PRKG1: variants seen among roughly 807,000 people sequenced by gnomAD.
PRKG1 encodes the protein cGMP-dependent protein kinase 1.
PRKG1 carries 35 observed loss-of-function variants against 88.1 expected under a neutral mutation model. That is an observed-to-expected ratio of 0.40 (90% CI 0.30 to 0.53). The LOEUF is 0.53. Ranked by LOEUF, PRKG1 falls within the 20% of genes least tolerant of loss-of-function variation. The pLI is 0.59. For missense variants in PRKG1, 540 were observed against 839.8 expected (o/e 0.64, Z 4.41); for synonymous variants, 303 against 292.5 (o/e 1.04, Z -0.37).
intron 3 of PRKG1, among the ~76,000 whole-genome samples, chr10:51,609,021 AAAT>A (rs1300408147): frequency 1.3e-5 from 2 of 152,080 alleles, no homozygotes; most frequent in African/African-American, 4.8e-5. Context: ...AAGTTTTAAA[AAAT>A]TAAAAAGTTT....
intron 2 of PRKG1, among the ~76,000 whole-genome samples, chr10:51,333,694 C>A (rs1362729963): frequency 6.6e-6 from 1 of 152,202 alleles, no homozygotes; most frequent in Non-Finnish European, 1.5e-5. Flanking sequence ...TGCAAGGCAG[C>A]TTCCATGTTC....
At chr10:51,613,549 T>C (rs553829643) in intron 3 of PRKG1, among the ~76,000 whole-genome samples, 65 of 152,080 alleles carry the variant, frequency 4.3e-4, no homozygotes, top group Middle Eastern at 3.4e-3. Context: ...TCTTTCCTTC[T>C]GCTAATTTTG....
At chr10:51,057,513 CAG>C (rs1235243128) in intron 1 of PRKG1, among the ~76,000 whole-genome samples, 2 of 152,112 alleles carry the variant, frequency 1.3e-5, no homozygotes, top group Admixed American at 6.5e-5. Context: ...GATTAAGAAA[CAG>C]AACTTTCCCA....
At chr10:51,806,115 G>T (rs1396038479) in intron 4 of PRKG1, among the ~76,000 whole-genome samples, 1 of 152,076 alleles carries the variant, frequency 6.6e-6, no homozygotes, top group African/African-American at 2.4e-5. Context: ...TTCACTTTAA[G>T]CCTTAACTTA....
intron 5 of PRKG1, among the ~76,000 whole-genome samples, chr10:52,028,058 G>A (rs1011764512): frequency 3.2e-4 from 49 of 152,154 alleles, no homozygotes; most frequent in African/African-American, 1.1e-3. Flanking sequence ...CAAAGTTCTG[G>A]GATTACAGGC....
intron 8 of PRKG1, among the ~76,000 whole-genome samples, chr10:52,145,242 ATAAT>A (rs1837699161): frequency 6.6e-6 from 1 of 152,196 alleles, no homozygotes; most frequent in Non-Finnish European, 1.5e-5. Context: ...CAATGAATAA[ATAAT>A]TCATTTTTTT....
intron 7 of PRKG1, among the ~76,000 whole-genome samples, chr10:52,103,138 C>T (rs1246043146): frequency 1.3e-5 from 2 of 152,192 alleles, no homozygotes; most frequent in South Asian, 2.1e-4. Context: ...TGAGGTGGAA[C>T]AGTTTTATCT....
chr10:52,150,168 A>ATTATTATTATT (rs1564490922), intron 8 of PRKG1, among the ~76,000 whole-genome samples: 22 of 108,656 alleles, frequency 2.0e-4, no homozygotes, highest in African/African-American at 7.1e-4. Context: ...TAATAATAAT[A>ATTATTATTATT]ATAATAATAA....
intron 1 of PRKG1, among the ~76,000 whole-genome samples, chr10:51,105,575 G>T (rs1000114765): frequency 7.9e-5 from 12 of 152,206 alleles, no homozygotes; most frequent in Admixed American, 7.9e-4. Context: ...ATTATTTTTT[G>T]TAATTATCTG....
chr10:51,907,603 T>C (rs760515555), intron 5 of PRKG1, 33 bp downstream of exon 5: 2 of 1,578,094 alleles, frequency 1.3e-6, no homozygotes, highest in Non-Finnish European at 1.7e-6. Context: ...CTTTTTGAGA[T>C]GGGATCCAGC....
chr10:51,718,690 T>C (rs1020781735), intron 3 of PRKG1, among the ~76,000 whole-genome samples: 12 of 152,210 alleles, frequency 7.9e-5, no homozygotes, highest in African/African-American at 2.7e-4. Context: ...AAACATCATA[T>C]GTTCTCACTT....
chr10:51,530,212 T>C lies in PRKG1; in HGVS notation c.592+62376T>C, dbSNP rs77079894. ...ATGTACTGACCTTTCAAATCATGTATGTCTCATAAGAATATCATTATTTAT... is the reference window on the plus strand; with the variant it reads ...ATGTACTGACCTTTCAAATCATGTACGTCTCATAAGAATATCATTATTTAT... On this transcript the variant is annotated intron_variant, in intron 3 of 17. Coordinates refer to ENST00000373980, the MANE Select transcript of PRKG1 (RefSeq NM_006258.4). Among the ~76,000 whole-genome samples, 876 of 152,334 alleles carry C rather than the reference T, an allele frequency of 5.8e-3. 10 individuals carry two copies. Among genetic ancestry groups the C allele is most frequent in the African/African-American group, 0.02 (842 of 41,576 alleles).
intron 2 of PRKG1, among the ~76,000 whole-genome samples, chr10:51,317,759 T>G (rs1841360001): frequency 6.6e-6 from 1 of 152,204 alleles, no homozygotes; most frequent in South Asian, 2.1e-4. Context: ...TCCCTGTTAC[T>G]TAACAATCCA....
chr10:51,531,946 G>T (rs1040881096), intron 3 of PRKG1, among the ~76,000 whole-genome samples: 2 of 151,836 alleles, frequency 1.3e-5, no homozygotes, highest in Non-Finnish European at 2.9e-5. Context: ...CCCTGCCAAA[G>T]AATTTTTTTA....
intron 3 of PRKG1, among the ~76,000 whole-genome samples, chr10:51,705,604 A>T (rs1475537347): frequency 6.6e-6 from 1 of 152,218 alleles, no homozygotes; most frequent in East Asian, 1.9e-4. Flanking sequence ...CAGATGCTTT[A>T]TAAAGGCAAA....
At chr10:51,118,228 G>A (rs182160068) in intron 1 of PRKG1, among the ~76,000 whole-genome samples, 1 of 152,064 alleles carries the variant, frequency 6.6e-6, no homozygotes, top group Non-Finnish European at 1.5e-5. Context: ...ATGGAGCAAA[G>A]AGAAGTGGAT....
intron 4 of PRKG1, among the ~76,000 whole-genome samples, chr10:51,813,008 C>A (rs533751966): frequency 1.2e-4 from 18 of 152,306 alleles, no homozygotes; most frequent in Admixed American, 8.5e-4. Context: ...CTGCACTGTA[C>A]ATTCATTAGC....
intron 9 of PRKG1, among the ~76,000 whole-genome samples, chr10:52,163,218 CGT>C (rs1564496658): frequency 1.4e-5 from 2 of 142,298 alleles, no homozygotes; most frequent in African/African-American, 5.9e-5. Flanking sequence ...CTTATCTTTT[CGT>C]GTGTTTGTGT....
At chr10:51,164,079 G>C (rs141050442) in intron 2 of PRKG1, among the ~76,000 whole-genome samples, 182 of 152,290 alleles carry the variant, frequency 1.2e-3, no homozygotes, top group Admixed American at 3.9e-3. Flanking sequence ...ATCTGAGAAC[G>C]GGCAGACTGC....
Sources: gnomAD v4.1 joint callset for allele counts (sites outside exome capture counted in the v4.1 genomes callset) on GRCh38, gnomAD v4.1.1 for gene constraint, MANE v1.5 for transcripts, NCBI Gene and HGNC (gene_info 2026-07-23, HGNC 2026-07-21) for gene names.